The following COL4A3 variants were observed in gnomAD, a reference collection of about 807,000 sequenced individuals.
COL4A3 encodes the protein collagen type IV alpha 3 chain.
Under a neutral mutation model 217.4 loss-of-function variants are expected in COL4A3, and 135 were observed. The ratio of observed to expected loss-of-function variants is 0.62; its 90% CI spans 0.54 to 0.72. COL4A3 has a LOEUF of 0.72. Ranked by LOEUF, COL4A3 falls within the 30% of genes least tolerant of loss-of-function variation. COL4A3 has a pLI of 0.00. For missense variants in COL4A3, 1,868 were observed against 2,119.9 expected (o/e 0.88, Z 2.33); for synonymous variants, 690 against 736.3 (o/e 0.94, Z 1.02).
rs1274556576 is a variant in COL4A3, at chr2:227,261,085, C to T, written c.1118C>T (p.Pro373Leu). ...GPRGARGPQG[P>L]SGPPGVPGSP... ...AATTAATGTTATATATTCCCAGGTC[C>T]CAGTGGTCCCCCCGGAGTTCCTGGA... Residue 373 changes from proline (P) to leucine (L), a missense_variant, in exon 20 of 52, where the codon CCC becomes CTC. Transcript: ENST00000396578. The T allele has an allele frequency of 6.2e-7, 1 of 1,611,314 alleles. No individual in the cohort carries two copies. Among genetic ancestry groups the T allele is most frequent in the Admixed American group, 1.7e-5 (1 of 60,008 alleles).
At chr2:227,214,747 C>T (rs189238086) in intron 1 of COL4A3, among the ~76,000 whole-genome samples, 6 of 152,302 alleles carry the variant, frequency 3.9e-5, no homozygotes, top group East Asian at 1.9e-4. Context: ...ACTTGAGAAT[C>T]GCTACCTAGT....
intron 1 of COL4A3, among the ~76,000 whole-genome samples, chr2:227,176,049 C>CAGGCCAGAGGAGACTTT (rs146494609): frequency 6.6e-6 from 1 of 152,058 alleles, no homozygotes; most frequent in Non-Finnish European, 1.5e-5. Context: ...GACACAGGAC[C>CAGGCCAGAGGAGACTTT]AGCACAGAGA....
intron 1 of COL4A3, among the ~76,000 whole-genome samples, chr2:227,205,783 C>T (rs1246382093): frequency 1.3e-5 from 2 of 151,062 alleles, no homozygotes. Flanking sequence ...ATTATTAAGA[C>T]AGTCTCCACT....
chr2:227,282,255 G>A lies in COL4A3; in HGVS notation c.2489-110G>A, dbSNP rs998094872. ...CCACTGCAATCCAGCCTAGAAGACA[G>A]AGGGAGATTCCATCTTAAAAATATA... is the stretch of plus-strand genomic sequence containing the variant. On this transcript the variant is annotated intron_variant, in intron 31 of 51. Coordinates refer to ENST00000396578, the MANE Select transcript of COL4A3 (RefSeq NM_000091.5). The surrounding 1 kb of genome is among the most constrained non-coding windows in gnomAD (Gnocchi z 4.4). 1 of 461,420 alleles carries A rather than the reference G, an allele frequency of 2.2e-6. No homozygotes were observed. Among genetic ancestry groups the A allele is most frequent in the African/African-American group, 2.5e-5 (1 of 39,948 alleles). The allele number at this position is 461,420 out of a possible 1,614,324, so 28.6% of individuals were successfully genotyped here. A position where few individuals can be genotyped will look rare whatever the true frequency, so the allele number is the denominator to read the frequency against.
chr2:227,232,385 C>A (rs1165926448), intron 1 of COL4A3, among the ~76,000 whole-genome samples: 1 of 152,190 alleles, frequency 6.6e-6, no homozygotes, highest in Non-Finnish European at 1.5e-5. Flanking sequence ...TGAATAGATA[C>A]CCAATAGTGG....
In COL4A3 at chr2:227,270,825, T is replaced by G; in HGVS notation, c.1631T>G (p.Leu544Arg). Reference protein sequence around the residue: ...PGLKGEKGETLQPEGQVGVPG... With the variant: ...PGLKGEKGETRQPEGQVGVPG... ...CTTAAAGGAGAAAAAGGTGAAACACTTCAGCCTGAGGGGCAAGTGGGTGTC... is the reference window on the plus strand; with the variant it reads ...CTTAAAGGAGAAAAAGGTGAAACACGTCAGCCTGAGGGGCAAGTGGGTGTC... Residue 544 changes from leucine (L) to arginine (R), a missense_variant, in exon 25 of 52, where the codon CTT becomes CGT. Physicochemically the swap from Leu to Arg is moderately radical, Grantham distance 102. This residue lies in a region of COL4A3 where 1,503 missense variants were observed against 1,786.1 expected (regional missense o/e 0.84). Coordinates refer to ENST00000396578, the MANE Select transcript of COL4A3 (RefSeq NM_000091.5). 1 of 1,614,144 alleles carries G rather than the reference T, an allele frequency of 6.2e-7. No individual in the cohort carries two copies. Among genetic ancestry groups the G allele is most frequent in the African/African-American group, 1.3e-5 (1 of 75,030 alleles).
intron 1 of COL4A3, among the ~76,000 whole-genome samples, chr2:227,200,024 G>A (rs969941675): frequency 6.6e-6 from 1 of 152,060 alleles, no homozygotes; most frequent in Non-Finnish European, 1.5e-5. Flanking sequence ...GCTAGAAGTA[G>A]GAAAAAACAT....
intron 1 of COL4A3, among the ~76,000 whole-genome samples, chr2:227,225,172 C>T (rs767011261): frequency 6.6e-6 from 1 of 152,212 alleles, no homozygotes; most frequent in Admixed American, 6.5e-5. Context: ...TCCCAAAATG[C>T]TAGGATAACA....
chr2:227,259,723 A>T (rs1435176191), intron 18 of COL4A3, 70 bp from the exon 19 acceptor site: 5 of 1,117,984 alleles, frequency 4.5e-6, no homozygotes, highest in Middle Eastern at 4.0e-4. Flanking sequence ...AAGAAACTGA[A>T]GTAATGATGT....
intron 7 of COL4A3, among the ~76,000 whole-genome samples, chr2:227,247,270 T>A (rs1429393321): frequency 6.6e-6 from 1 of 152,184 alleles, no homozygotes; most frequent in African/African-American, 2.4e-5. Flanking sequence ...ATCAATATCA[T>A]GTCTGACCTT....
chr2:227,221,723 T>A (rs1019201056), intron 1 of COL4A3, among the ~76,000 whole-genome samples: 1 of 152,210 alleles, frequency 6.6e-6, no homozygotes, highest in Non-Finnish European at 1.5e-5. Flanking sequence ...ATTTATCTTA[T>A]CTATTGTTTT....
At chr2:227,260,145 G>A (rs1171026997) in intron 19 of COL4A3, 2 of 611,962 alleles carry the variant, frequency 3.3e-6, no homozygotes, top group Non-Finnish European at 6.1e-6. Context: ...GAGGGCAGGA[G>A]GAGGGAGTGC....
At chr2:227,248,612 CA>C in intron 9 of COL4A3, 92 bp downstream of exon 9, 1 of 835,136 alleles carries the variant, frequency 1.2e-6, no homozygotes, top group Non-Finnish European at 2.1e-6. Flanking sequence ...TCTTTTCCCC[CA>C]TAAGTCCCTC....
At chr2:227,172,454 T>C (rs914019740) in intron 1 of COL4A3, among the ~76,000 whole-genome samples, 2 of 152,048 alleles carry the variant, frequency 1.3e-5, no homozygotes, top group African/African-American at 2.4e-5. Flanking sequence ...GCGGGGGTGG[T>C]TGGGGAGAAA....
Position 227,283,782 on chromosome 2 carries a change from T to C in COL4A3, c.2672T>C (p.Ile891Thr), listed in dbSNP as rs765193194. ...ILGPPGEDGV[I>T]GMMGFPGAIG... The stretch of plus-strand genomic sequence containing the variant: ...GTTTCCATAGGTGAAGATGGAGTGA[T>C]TGGGATGATGGGCTTTCCTGGAGCC... The change falls in exon 33 of 52, where the codon ATT becomes ACT. Residue 891 changes from isoleucine (I) to threonine (T), a missense_variant. Around this residue, in one of 2 missense-constraint regions of COL4A3, gnomAD observed 1,503 missense variants for 1,786.1 expected, o/e 0.84. Transcript: ENST00000396578. 1.5e-5 allele frequency: 24 copies of C among 1,614,060 alleles called. No individual in the cohort carries two copies. Among genetic ancestry groups the C allele is most frequent in the South Asian group, 1.1e-4 (10 of 91,090 alleles).
intron 28 of COL4A3, 132 bp from the exon 29 acceptor site, chr2:227,279,661 T>C (rs896908584): frequency 5.0e-6 from 3 of 601,862 alleles, no homozygotes; most frequent in Non-Finnish European, 8.6e-6. Context: ...ATTGCTAATT[T>C]ATCAGTTGGT....
At chr2:227,214,723 T>C (rs1467225782) in intron 1 of COL4A3, among the ~76,000 whole-genome samples, 1 of 152,192 alleles carries the variant, frequency 6.6e-6, no homozygotes, top group Non-Finnish European at 1.5e-5. Context: ...ATTTCAAAGA[T>C]TTGTGTGTGG....
At chr2:227,185,712 A>G (rs898889684) in intron 1 of COL4A3, among the ~76,000 whole-genome samples, 1 of 152,246 alleles carries the variant, frequency 6.6e-6, no homozygotes, top group Non-Finnish European at 1.5e-5. Flanking sequence ...GAAATTCAGA[A>G]GGAAAGCCTT....
At chr2:227,201,064 C>A (rs2066667212) in intron 1 of COL4A3, among the ~76,000 whole-genome samples, 2 of 151,978 alleles carry the variant, frequency 1.3e-5, no homozygotes, top group Non-Finnish European at 2.9e-5. Context: ...CCTTAAGTAT[C>A]TTTAAAAAGT....
Sources: gnomAD v4.1 joint callset for allele counts (sites outside exome capture counted in the v4.1 genomes callset) on GRCh38, gnomAD v4.1.1 for gene constraint, gnomAD v4.1.1 regional missense constraint, Gnocchi (gnomAD v3.1) non-coding constraint, MANE v1.5 for transcripts, NCBI Gene and HGNC (gene_info 2026-07-23, HGNC 2026-07-21) for gene names.